The following PCDHAC1 variants were observed in gnomAD, a reference collection of about 807,000 sequenced individuals.
PCDHAC1 encodes protocadherin alpha subfamily C, 1.
PCDHAC1 carries 42 observed loss-of-function variants against 60.0 expected under a neutral mutation model. That is an observed-to-expected ratio of 0.70 (90% CI 0.55 to 0.90). PCDHAC1 has a LOEUF of 0.90. Among genes scored for constraint, PCDHAC1 ranks in the 40% least tolerant of loss-of-function variants. PCDHAC1 has a pLI of 0.00. For synonymous variants in PCDHAC1, 468 were observed against 499.3 expected, an observed-to-expected ratio of 0.94 and a Z score of 0.84; for missense variants, 1,160 against 1,222.3, an observed-to-expected ratio of 0.95 and a Z score of 0.76.
In PCDHAC1 at chr5:140,927,280, C is replaced by G; in HGVS notation, c.388C>G (p.Gln130Glu). 6.2e-7 allele frequency: 1 copy of G among 1,614,178 alleles called. No individual in the cohort carries two copies. The highest frequency in any genetic ancestry group is 8.5e-7 in the Non-Finnish European group (1 of 1,180,032). ...NSPLFPAGDV[Q>E]LHIPEFLTPG... ...ACCTCTCTTTCCTGCCGGCGACGTG[C>G]AGCTGCACATCCCCGAGTTCCTGAC... Residue 130 changes from glutamine (Q) to glutamate (E), a missense_variant, in exon 1 of 4, where the codon CAG becomes GAG. Physicochemically the swap from Gln to Glu is conservative, Grantham distance 29. Around this residue, in one of 3 missense-constraint regions of PCDHAC1, gnomAD observed 1,113 missense variants for 1,163.7 expected, o/e 0.96. Transcript: ENST00000253807.
chr5:140,988,156 C>A (rs546335543), intron 3 of PCDHAC1, among the ~76,000 whole-genome samples: 1 of 152,054 alleles, frequency 6.6e-6, no homozygotes, highest in Non-Finnish European at 1.5e-5. Flanking sequence ...CAACTTCTGC[C>A]GTTGTCATAG....
intron 3 of PCDHAC1, among the ~76,000 whole-genome samples, chr5:140,994,479 G>A (rs1229761223): frequency 1.3e-5 from 2 of 152,094 alleles, no homozygotes; most frequent in African/African-American, 4.8e-5. Context: ...GAGGCGGGTG[G>A]ATTGCCTGAA....
intron 1 of PCDHAC1, among the ~76,000 whole-genome samples, chr5:140,944,593 T>C (rs187929896): frequency 2.6e-5 from 4 of 152,318 alleles, no homozygotes; most frequent in African/African-American, 9.6e-5. Context: ...AGAATTTCCC[T>C]GGGTAGAGTA....
rs78283049 is a variant in PCDHAC1 at position 140,938,200 on chromosome 5, C to G, written c.2433+8875C>G. 2.3e-3 allele frequency among the ~76,000 whole-genome samples: 352 copies of G among 152,306 alleles called. 1 individual carries two copies. The highest frequency in any genetic ancestry group is 8.1e-3 in the African/African-American group (335 of 41,568). On this transcript the variant is annotated intron_variant, in intron 1 of 3. Coordinates refer to ENST00000253807, the MANE Select transcript of PCDHAC1 (RefSeq NM_018898.5). ...GGCTCAAGCAATCCTCCCACGCCAG[C>G]CTCCCAAAGTGCTGGGATTACAGGC... is the stretch of plus-strand genomic sequence containing the variant.
At chr5:140,975,784 A>G (rs1216156931) in intron 1 of PCDHAC1, among the ~76,000 whole-genome samples, 1 of 151,914 alleles carries the variant, frequency 6.6e-6, no homozygotes, top group Non-Finnish European at 1.5e-5. Flanking sequence ...CCATTACAAG[A>G]TAAATTAAAT....
rs955565578 is a variant in PCDHAC1, at chr5:141,012,291, T to C, written c.*2354T>C. 6 of 153,804 alleles carry C rather than the reference T, an allele frequency of 3.9e-5. No homozygotes were observed. The highest frequency in any genetic ancestry group is 9.6e-5 in the African/African-American group (4 of 41,478). The allele number at this position is 153,804 out of a possible 1,614,324, so 9.5% of individuals were successfully genotyped here. A position where few individuals can be genotyped will look rare whatever the true frequency, so the allele number is the denominator to read the frequency against. On this transcript the variant is annotated 3_prime_UTR_variant, in exon 4 of 4. Coordinates refer to ENST00000253807, the MANE Select transcript of PCDHAC1 (RefSeq NM_018898.5). ...ACACGTCATGTGGATTCATTTTGAA[T>C]TGGTGCTATTGGTATTTCCTCTGTT...
intron 1 of PCDHAC1, among the ~76,000 whole-genome samples, chr5:140,976,713 T>TA (rs1554237898): frequency 6.6e-6 from 1 of 152,216 alleles, no homozygotes; most frequent in Admixed American, 6.5e-5. Flanking sequence ...CTTTGCATTA[T>TA]AGTTCATTTA....
At position 140,926,811 on chromosome 5, in the gene PCDHAC1, C is replaced by T; in HGVS notation, c.-82C>T. 2.0e-6 allele frequency: 3 copies of T among 1,464,260 alleles called. No homozygotes were observed. The highest frequency in any genetic ancestry group is 5.2e-5 in the Admixed American group (2 of 38,142). The allele number at this position is 1,464,260 out of a possible 1,614,324, so 90.7% of individuals were successfully genotyped here. On this transcript the variant is annotated 5_prime_UTR_variant, in exon 1 of 4. Coordinates refer to ENST00000253807, the MANE Select transcript of PCDHAC1 (RefSeq NM_018898.5). ...CAGGAGCGTGCTCTTCCCCGCGGCTCGTGCTCTCCAGGAGTCCGGAGCATG... is the reference window on the plus strand; with the variant it reads ...CAGGAGCGTGCTCTTCCCCGCGGCTTGTGCTCTCCAGGAGTCCGGAGCATG...
At chr5:140,967,128 T>G in intron 1 of PCDHAC1, 14 of 1,612,170 alleles carry the variant, frequency 8.7e-6, no homozygotes, top group Non-Finnish European at 1.1e-5. Flanking sequence ...CTGCTCAGCT[T>G]GGAAGTGCTG....
intron 1 of PCDHAC1, among the ~76,000 whole-genome samples, chr5:140,955,368 G>C (rs1554221882): frequency 6.6e-6 from 1 of 152,122 alleles, no homozygotes; most frequent in Admixed American, 6.5e-5. Flanking sequence ...CCCAGTGGGA[G>C]GTAATTGAAT....
chr5:141,006,356 C>T (rs1342790572), intron 3 of PCDHAC1, among the ~76,000 whole-genome samples: 4 of 151,920 alleles, frequency 2.6e-5, no homozygotes, highest in South Asian at 2.1e-4. Flanking sequence ...GGACTATAGG[C>T]GCCCACCACC....
chr5:140,965,942 C>G (rs2095950444), intron 1 of PCDHAC1, among the ~76,000 whole-genome samples: 2 of 152,330 alleles, frequency 1.3e-5, no homozygotes, highest in Admixed American at 1.3e-4. Flanking sequence ...AAGAGGGCAG[C>G]ATTTGCCATC....
At chr5:140,992,295 A>G (rs2097504334) in intron 3 of PCDHAC1, among the ~76,000 whole-genome samples, 1 of 152,134 alleles carries the variant, frequency 6.6e-6, no homozygotes, top group African/African-American at 2.4e-5. Flanking sequence ...AAAGGATGGG[A>G]GTATTGTTTT....
intron 1 of PCDHAC1, chr5:140,966,328 C>T: frequency 5.1e-6 from 2 of 392,484 alleles, no homozygotes; most frequent in Non-Finnish European, 9.0e-6. Context: ...CGCTGGGATC[C>T]GGCAGGTCCA....
intron 1 of PCDHAC1, chr5:140,967,436 C>T (rs781894469): frequency 6.2e-7 from 1 of 1,613,496 alleles, no homozygotes; most frequent in Non-Finnish European, 8.5e-7. Context: ...AGCCTTGCAC[C>T]ACCTGGTTCT....
intron 1 of PCDHAC1, among the ~76,000 whole-genome samples, chr5:140,977,977 C>T (rs193229659): frequency 2.0e-5 from 3 of 152,222 alleles, no homozygotes; most frequent in South Asian, 2.1e-4. Context: ...CCCATGAAAA[C>T]GCATCTAGAG....
chr5:140,953,101 T>C (rs1297450101), intron 1 of PCDHAC1, among the ~76,000 whole-genome samples: 1 of 152,130 alleles, frequency 6.6e-6, no homozygotes, highest in Non-Finnish European at 1.5e-5. Context: ...TGACATGAGA[T>C]TTGGGCAGGG....
chr5:140,998,491 A>G (rs994652769), intron 3 of PCDHAC1, among the ~76,000 whole-genome samples: 15 of 152,288 alleles, frequency 9.8e-5, no homozygotes, highest in African/African-American at 3.1e-4. Flanking sequence ...TAACTCTTTG[A>G]GAACAGGGTA....
chr5:140,942,206 T>G (rs916002360), intron 1 of PCDHAC1, among the ~76,000 whole-genome samples: 1 of 152,152 alleles, frequency 6.6e-6, no homozygotes, highest in African/African-American at 2.4e-5. Context: ...TTTTTGAGCA[T>G]AAGATATTTA....
Sources: allele counts gnomAD v4.1 joint callset (sites outside exome capture counted in the v4.1 genomes callset), GRCh38; gene constraint gnomAD v4.1.1; regional missense constraint gnomAD v4.1.1; transcripts MANE v1.5; gene names NCBI Gene and HGNC (gene_info 2026-07-23, HGNC 2026-07-21).